The following VWA8 variants were observed in gnomAD, a reference collection of about 807,000 sequenced individuals.
VWA8 encodes von Willebrand factor A domain-containing protein 8.
VWA8 carries 221 observed loss-of-function variants against 241.5 expected under a neutral mutation model. The ratio of observed to expected loss-of-function variants is 0.91; its 90% CI spans 0.82 to 1.02. VWA8 has a LOEUF of 1.02. Ranked by LOEUF, VWA8 falls within the 50% of genes least tolerant of loss-of-function variation. The probability of loss-of-function intolerance (pLI) is 0.00; values close to 1 mark genes in which losing one functional copy is unlikely to be tolerated. For synonymous variants in VWA8, 852 were observed against 827.1 expected (o/e 1.03, Z -0.52); for missense variants, 2,322 against 2,328.7 (o/e 1.00, Z 0.06).
intron 17 of VWA8, among the ~76,000 whole-genome samples, chr13:41,805,646 T>C (rs1458994360): frequency 6.6e-6 from 1 of 151,978 alleles, no homozygotes; most frequent in African/African-American, 2.4e-5. Flanking sequence ...AAACCCCATC[T>C]CTACTAAAAA....
intron 12 of VWA8, among the ~76,000 whole-genome samples, chr13:41,835,985 T>C (rs1035521804): frequency 3.3e-5 from 5 of 152,128 alleles, no homozygotes; most frequent in African/African-American, 7.2e-5. Context: ...TTGAAACATA[T>C]ATAAACTTAA....
intron 37 of VWA8, among the ~76,000 whole-genome samples, chr13:41,665,656 C>T (rs2137794036): frequency 6.6e-6 from 1 of 152,104 alleles, no homozygotes; most frequent in African/African-American, 2.4e-5. Flanking sequence ...TGACTGTCAA[C>T]CTATTAATTG....
intron 1 of VWA8, among the ~76,000 whole-genome samples, chr13:41,953,801 C>A (rs1878239197): frequency 6.6e-6 from 1 of 151,920 alleles, no homozygotes; most frequent in South Asian, 2.1e-4. Context: ...AAGAGTGAAA[C>A]TCTGTGTCAA....
intron 37 of VWA8, among the ~76,000 whole-genome samples, chr13:41,641,132 C>T (rs1257495571): frequency 1.3e-5 from 2 of 152,082 alleles, no homozygotes; most frequent in Non-Finnish European, 2.9e-5. Flanking sequence ...TCTTCAAGCA[C>T]GCACCCTGAA....
chr13:41,724,901 G>A (rs2045420432), intron 24 of VWA8, among the ~76,000 whole-genome samples: 1 of 152,182 alleles, frequency 6.6e-6, no homozygotes, highest in Non-Finnish European at 1.5e-5. Flanking sequence ...TACCCTAGGA[G>A]AACAGGAAAG....
chr13:41,630,156 A>C (rs1489454116), intron 37 of VWA8, among the ~76,000 whole-genome samples: 1 of 152,210 alleles, frequency 6.6e-6, no homozygotes, highest in Non-Finnish European at 1.5e-5. Flanking sequence ...CCTAAAGACA[A>C]ATGCCTATTA....
intron 10 of VWA8, among the ~76,000 whole-genome samples, chr13:41,866,624 T>A (rs1227473790): frequency 6.6e-6 from 1 of 152,110 alleles, no homozygotes; most frequent in Non-Finnish European, 1.5e-5. Context: ...AAAATTAAAG[T>A]CCCACATTAT....
intron 14 of VWA8, among the ~76,000 whole-genome samples, chr13:41,822,744 TA>T (rs1241996116): frequency 1.3e-5 from 2 of 152,156 alleles, no homozygotes; most frequent in Non-Finnish European, 2.9e-5. Flanking sequence ...ACATCACTTA[TA>T]AAGTACTTTC....
chr13:41,573,474 T>TAAAA (rs543021636), intron 43 of VWA8, among the ~76,000 whole-genome samples: 4 of 126,712 alleles, frequency 3.2e-5, no homozygotes, highest in South Asian at 2.4e-4. Context: ...GGCTATAGTT[T>TAAAA]AAAAAAAAAA....
At chr13:41,929,256 A>C (rs983952956) in intron 2 of VWA8, among the ~76,000 whole-genome samples, 1 of 151,572 alleles carries the variant, frequency 6.6e-6, no homozygotes, top group Admixed American at 6.6e-5. Flanking sequence ...CCCAGGCTTA[A>C]GCAATCCTCC....
chr13:41,641,508 T>C (rs138803510), intron 37 of VWA8, among the ~76,000 whole-genome samples: 1 of 151,934 alleles, frequency 6.6e-6, no homozygotes, highest in African/African-American at 2.4e-5. Flanking sequence ...GGGTCATACA[T>C]AGTATGTCTG....
intron 24 of VWA8, among the ~76,000 whole-genome samples, chr13:41,722,124 T>TA (rs951296359): frequency 1.1e-4 from 16 of 152,152 alleles, no homozygotes; most frequent in Non-Finnish European, 1.8e-4. Flanking sequence ...CTTTATGTAC[T>TA]AAAAAAGGGA....
chr13:41,933,405 A>AT (rs1877213043), intron 2 of VWA8, among the ~76,000 whole-genome samples: 1 of 152,082 alleles, frequency 6.6e-6, no homozygotes, highest in Non-Finnish European at 1.5e-5. Flanking sequence ...TACAGATTTA[A>AT]TGCAATCCCC....
At chr13:41,841,860 A>T (rs9525545) in intron 12 of VWA8, among the ~76,000 whole-genome samples, 2,507 of 61,698 alleles carry the variant, frequency 0.041, 154 homozygotes, top group African/African-American at 0.07. Context: ...TATATATATA[A>T]AAACAGTAGA....
At chr13:41,699,449 CTAAATGTA>C (rs1015252701) in intron 28 of VWA8, among the ~76,000 whole-genome samples, 179 bp from the exon 29 acceptor site, 2 of 152,144 alleles carry the variant, frequency 1.3e-5, no homozygotes, top group Non-Finnish European at 2.9e-5. Context: ...AGTTTTGACC[CTAAATGTA>C]GATAAGGTCA....
intron 35 of VWA8, among the ~76,000 whole-genome samples, chr13:41,682,983 C>A (rs2045111019): frequency 6.6e-6 from 1 of 152,082 alleles, no homozygotes; most frequent in Non-Finnish European, 1.5e-5. Flanking sequence ...TGCAGTGCAA[C>A]TGAAACCTCC....
chr13:41,914,805 T>C (rs988108105), intron 2 of VWA8, among the ~76,000 whole-genome samples: 3 of 152,230 alleles, frequency 2.0e-5, no homozygotes, highest in African/African-American at 7.2e-5. Flanking sequence ...CTTGATAATT[T>C]AAAATCCAAA....
intron 42 of VWA8, among the ~76,000 whole-genome samples, chr13:41,577,304 A>G (rs189920728): frequency 6.6e-6 from 1 of 152,252 alleles, no homozygotes; most frequent in Non-Finnish European, 1.5e-5. Context: ...AAATTTATCA[A>G]TGCATTAAAA....
intron 2 of VWA8, among the ~76,000 whole-genome samples, chr13:41,929,190 C>G (rs1410657853): frequency 1.5e-5 from 2 of 137,714 alleles, no homozygotes; most frequent in Non-Finnish European, 3.0e-5. Flanking sequence ...GGGTCTCACT[C>G]TGTCACTCAG....
Sources: allele counts gnomAD v4.1 joint callset (sites outside exome capture counted in the v4.1 genomes callset), GRCh38; gene constraint gnomAD v4.1.1; transcripts MANE v1.5; gene names NCBI Gene and HGNC (gene_info 2026-07-23, HGNC 2026-07-21).